PHF24: variants seen among roughly 807,000 people sequenced by gnomAD.
PHF24 encodes Galpha inhibitory interacting protein.
A neutral mutation model predicts 42.6 loss-of-function variants in PHF24; 25 were observed. The ratio of observed to expected loss-of-function variants is 0.59; its 90% confidence interval spans 0.43 to 0.82. The LOEUF is 0.82. PHF24 is among the 40% of genes least tolerant of loss of function. The pLI, the probability that PHF24 is intolerant of heterozygous loss-of-function variation, is 0.00. For missense variants in PHF24, 470 were observed against 538.1 expected (o/e 0.87, Z 1.25); for synonymous variants, 185 against 204.8 (o/e 0.90, Z 0.83).
the PHF24 span, among the ~76,000 whole-genome samples, chr9:34,765,044 AT>A: frequency 1.3e-5 from 2 of 152,010 alleles, no homozygotes; most frequent in African/African-American, 4.8e-5. Context: ...TTCTAGTTTG[AT>A]TGCACTGTGG....
chr9:34,810,805 G>C, the PHF24 span, among the ~76,000 whole-genome samples: 2 of 152,098 alleles, frequency 1.3e-5, no homozygotes, highest in African/African-American at 2.4e-5. Flanking sequence ...TCTTCTCCAT[G>C]GTAGCCCAGT....
the PHF24 span, among the ~76,000 whole-genome samples, chr9:34,679,723 C>T: frequency 1.3e-5 from 2 of 151,830 alleles, no homozygotes; most frequent in South Asian, 4.2e-4. Context: ...CAAAAAACTT[C>T]CATATTGTGG....
chr9:34,671,979 T>C, the PHF24 span, among the ~76,000 whole-genome samples: 1 of 152,232 alleles, frequency 6.6e-6, no homozygotes, highest in Non-Finnish European at 1.5e-5. Flanking sequence ...TATTCATTTA[T>C]TGTTTCCCTT....
At chr9:34,822,943 T>G in the PHF24 span, among the ~76,000 whole-genome samples, 1 of 151,880 alleles carries the variant, frequency 6.6e-6, no homozygotes, top group African/African-American at 2.4e-5. Flanking sequence ...ACGCCTGTAG[T>G]CCCAGCACTT....
the PHF24 span, among the ~76,000 whole-genome samples, chr9:34,875,141 C>T: frequency 6.6e-6 from 1 of 152,080 alleles, no homozygotes; most frequent in African/African-American, 2.4e-5. Context: ...GGTAACCATC[C>T]TACTCTATAT....
chr9:34,683,417 C>T, the PHF24 span, among the ~76,000 whole-genome samples: 1 of 152,236 alleles, frequency 6.6e-6, no homozygotes, highest in South Asian at 2.1e-4. Flanking sequence ...AATTCTTGAA[C>T]TCCTTGGAGA....
At chr9:34,817,106 A>G in the PHF24 span, among the ~76,000 whole-genome samples, 1 of 152,352 alleles carries the variant, frequency 6.6e-6, no homozygotes, top group Admixed American at 6.5e-5. Flanking sequence ...TTGTGTTGAG[A>G]ACACTCTAAA....
chr9:34,800,758 G>A, the PHF24 span, among the ~76,000 whole-genome samples: 1 of 152,120 alleles, frequency 6.6e-6, no homozygotes, highest in Non-Finnish European at 1.5e-5. Flanking sequence ...CTAGGCATGG[G>A]CAAAGGCTTC....
chr9:34,845,111 T>C, the PHF24 span, among the ~76,000 whole-genome samples: 1 of 152,218 alleles, frequency 6.6e-6, no homozygotes, highest in Non-Finnish European at 1.5e-5. Context: ...AGTTCTTGAC[T>C]TAAAGTCTAT....
the PHF24 span, among the ~76,000 whole-genome samples, chr9:34,767,410 G>A: frequency 3.3e-5 from 5 of 152,230 alleles, no homozygotes; most frequent in Non-Finnish European, 5.9e-5. Flanking sequence ...GGGCAATGGC[G>A]GACGCCCCTC....
At chr9:34,942,565 G>A in the PHF24 span, among the ~76,000 whole-genome samples, 2 of 152,172 alleles carry the variant, frequency 1.3e-5, no homozygotes, top group African/African-American at 2.4e-5. Flanking sequence ...GAGGGCAGGG[G>A]CATTAACATA....
At chr9:34,682,439 G>A in the PHF24 span, among the ~76,000 whole-genome samples, 12 of 151,976 alleles carry the variant, frequency 7.9e-5, no homozygotes, top group Non-Finnish European at 1.5e-5. Flanking sequence ...CTGTCTTTCG[G>A]GGGGGTGAAT....
At chr9:34,790,068 G>A in the PHF24 span, among the ~76,000 whole-genome samples, 21 of 152,114 alleles carry the variant, frequency 1.4e-4, no homozygotes, top group South Asian at 4.2e-3. Flanking sequence ...GGCTGATCTC[G>A]AGCTCCTAGC....
At chr9:34,700,947 G>T in the PHF24 span, among the ~76,000 whole-genome samples, 1 of 152,198 alleles carries the variant, frequency 6.6e-6, no homozygotes, top group Admixed American at 6.5e-5. Flanking sequence ...TCCAATGGGG[G>T]TGGGGGACTG....
chr9:34,902,472 G>A, the PHF24 span, among the ~76,000 whole-genome samples: 2 of 151,954 alleles, frequency 1.3e-5, no homozygotes, highest in Non-Finnish European at 2.9e-5. Flanking sequence ...AACATAATGG[G>A]ACCCCATCTC....
chr9:34,973,081 G>A lies in PHF24; in HGVS notation c.564+550G>A, dbSNP rs555526108. On this transcript the variant is annotated intron_variant, in intron 3 of 7. Coordinates refer to ENST00000242315, the Ensembl canonical transcript of PHF24. ...CCCTGGCCTTAATCCCCTAGATGCCGGTAGCATACATCTCAATGTGAAGGT... is the reference window on the plus strand; with the variant it reads ...CCCTGGCCTTAATCCCCTAGATGCCAGTAGCATACATCTCAATGTGAAGGT... Among the ~76,000 whole-genome samples, 30 of 152,216 alleles carry A rather than the reference G, an allele frequency of 2.0e-4. No homozygotes were observed. In the East Asian group the frequency reaches 4.3e-3, roughly 22 times the overall value.
At chr9:34,824,821 T>C in the PHF24 span, among the ~76,000 whole-genome samples, 9 of 152,194 alleles carry the variant, frequency 5.9e-5, no homozygotes, top group African/African-American at 2.2e-4. Flanking sequence ...CTAGGGAAGG[T>C]AGGCATTAAG....
At chr9:34,935,308 G>A in the PHF24 span, among the ~76,000 whole-genome samples, 9 of 152,154 alleles carry the variant, frequency 5.9e-5, no homozygotes, top group Non-Finnish European at 1.0e-4. Flanking sequence ...GAATGGAACC[G>A]GGCGCAGTGG....
At chr9:34,856,306 G>C in the PHF24 span, among the ~76,000 whole-genome samples, 1 of 152,120 alleles carries the variant, frequency 6.6e-6, no homozygotes, top group African/African-American at 2.4e-5. Flanking sequence ...GCCTAGTTCT[G>C]TGCCCTTGCT....
Sources: gnomAD v4.1 joint callset for allele counts (sites outside exome capture counted in the v4.1 genomes callset) on GRCh38, gnomAD v4.1.1 for gene constraint, MANE v1.5 for transcripts, NCBI Gene and HGNC (gene_info 2026-07-23, HGNC 2026-07-21) for gene names.